The following PLCE1 variants were observed in gnomAD, a reference collection of about 807,000 sequenced individuals.
PLCE1 encodes the protein 1-phosphatidylinositol 4,5-bisphosphate phosphodiesterase epsilon-1.
A neutral mutation model predicts 242.8 loss-of-function variants in PLCE1; 119 were observed. That is an observed-to-expected ratio of 0.49 (90% CI 0.42 to 0.57). PLCE1 has a LOEUF of 0.57. Ranked by LOEUF, PLCE1 falls within the 20% of genes least tolerant of loss-of-function variation. PLCE1 has a pLI of 0.00. For synonymous variants in PLCE1, 945 were observed against 1,017.4 expected (o/e 0.93, Z 1.35); for missense variants, 2,441 against 2,788.8 (o/e 0.88, Z 2.81).
intron 29 of PLCE1, among the ~76,000 whole-genome samples, chr10:94,319,298 T>C (rs74151102): frequency 0.011 from 1,726 of 152,298 alleles, 48 homozygotes; most frequent in African/African-American, 0.04. Flanking sequence ...TGGTGCATAG[T>C]GATACCCAAA....
chr10:94,062,882 T>TA (rs1177007098), intron 2 of PLCE1, among the ~76,000 whole-genome samples: 1 of 152,162 alleles, frequency 6.6e-6, no homozygotes, highest in Non-Finnish European at 1.5e-5. Flanking sequence ...CTGAACTTCA[T>TA]AAAAAACATG....
At chr10:94,023,175 G>A (rs1252793954) in intron 1 of PLCE1, among the ~76,000 whole-genome samples, 1 of 152,122 alleles carries the variant, frequency 6.6e-6, no homozygotes, top group Non-Finnish European at 1.5e-5. Context: ...GAATGATGGA[G>A]TCAACAGAGT....
At chr10:94,065,703 T>C (rs1459092690) in intron 2 of PLCE1, among the ~76,000 whole-genome samples, 2 of 152,134 alleles carry the variant, frequency 1.3e-5, no homozygotes, top group African/African-American at 4.8e-5. Flanking sequence ...TCAGTATTAA[T>C]TGGAAATTGA....
chr10:94,275,573 C>T (rs748140578), intron 19 of PLCE1, among the ~76,000 whole-genome samples: 57 of 152,172 alleles, frequency 3.7e-4, no homozygotes, highest in Non-Finnish European at 2.2e-4. Context: ...CTGTGGCTCA[C>T]GCCTGTAATC....
At position 94,118,202 on chromosome 10, in the gene PLCE1, AT is replaced by A. The variant is rs1047308416; in HGVS notation, c.1207-13964del. On this transcript the variant is annotated intron_variant, in intron 2 of 32. Transcript: ENST00000371380. Reference sequence around the variant, plus strand: ...TTTTAAAATTTTCATTAACTTTAGCATTTTTTTTCTCTTTTCTTTTTTAATG... The same window carrying A: ...TTTTAAAATTTTCATTAACTTTAGCATTTTTTTCTCTTTTCTTTTTTAATG... Among the ~76,000 whole-genome samples, 83 of 151,874 alleles carry A rather than the reference AT, an allele frequency of 5.5e-4. No homozygotes were observed. In the East Asian group the frequency reaches 7.6e-3, roughly 14 times the overall value.
chr10:94,022,051 G>C lies in PLCE1; in HGVS notation c.-364-8632G>C, dbSNP rs149429900. On this transcript the variant is annotated intron_variant, in intron 1 of 32. Coordinates refer to ENST00000371380, the MANE Select transcript of PLCE1 (RefSeq NM_016341.4). Reference sequence around the variant, plus strand: ...TCATAATTGAAGATTCTAGCCACTAGAGTAAGGCAAGAAAAATAAATAAAA... The same window carrying C: ...TCATAATTGAAGATTCTAGCCACTACAGTAAGGCAAGAAAAATAAATAAAA... Among the ~76,000 whole-genome samples the C allele has an allele frequency of 3.7e-3, 569 of 152,034 alleles. 2 individuals are homozygous for C. Among genetic ancestry groups the C allele is most frequent in the African/African-American group, 0.013 (546 of 41,542 alleles).
At chr10:93,999,680 G>T (rs900387948) in intron 1 of PLCE1, among the ~76,000 whole-genome samples, 7 of 152,134 alleles carry the variant, frequency 4.6e-5, no homozygotes, top group African/African-American at 1.7e-4. Flanking sequence ...CCTCCCTCTC[G>T]CTCCCACCTC....
chr10:94,106,944 C>CTCTCTCTCTCTCTCTCTCTCTCTCTCT (rs1554855409), intron 2 of PLCE1: 1 of 126,286 alleles, frequency 7.9e-6, no homozygotes. Context: ...CTCTCTCTCT[C>CTCTCTCTCTCTCTCTCTCTCTCTCTCT]CCCCTCCCCT....
intron 2 of PLCE1, among the ~76,000 whole-genome samples, chr10:94,120,308 C>G (rs770353765): frequency 6.6e-6 from 1 of 152,206 alleles, no homozygotes; most frequent in Non-Finnish European, 1.5e-5. Flanking sequence ...GAATATGGCT[C>G]TACCCTTGGA....
At chr10:94,013,846 A>T (rs868513020) in intron 1 of PLCE1, among the ~76,000 whole-genome samples, 13 of 152,304 alleles carry the variant, frequency 8.5e-5, no homozygotes, top group Admixed American at 2.0e-4. Context: ...GAATGGCCTG[A>T]AGTACTTGTA....
At chr10:94,168,199 C>T (rs1023575404) in intron 3 of PLCE1, among the ~76,000 whole-genome samples, 1 of 151,964 alleles carries the variant, frequency 6.6e-6, no homozygotes, top group Non-Finnish European at 1.5e-5. Flanking sequence ...AGAGCAAGGC[C>T]CAGAGGTGAG....
In PLCE1 at chr10:94,258,860, C is replaced by T. The variant is rs1183840984; in HGVS notation, c.3615C>T (p.Ser1205=). 3.1e-6 allele frequency: 5 copies of T among 1,614,086 alleles called. No homozygotes were observed. Among genetic ancestry groups the T allele is most frequent in the South Asian group, 2.2e-5 (2 of 91,088 alleles). The change falls in exon 12 of 33, where the codon AGC becomes AGT. Residue 1205 remains serine (S), a synonymous_variant. Transcript: ENST00000371380. ...RIKGGMKGFQ[S]FMVSDSNMSF... ...AAGGCGGCATGAAGGGATTTCAGAG[C>T]TTCATGGTTTCAGATAGCAACATGA...
Position 94,062,582 on chromosome 10 carries a change from G to GTTTT in PLCE1, c.1206+30338_1206+30341dup, listed in dbSNP as rs5787099. Among the ~76,000 whole-genome samples, 228 of 142,348 alleles carry GTTTT rather than the reference G, an allele frequency of 1.6e-3. 1 individual carries two copies. Among genetic ancestry groups the GTTTT allele is most frequent in the East Asian group, 0.01 (51 of 4,898 alleles). The allele number at this position is 142,348 out of a possible 152,430, so 93.4% of individuals were successfully genotyped here. ...TGTTAGTTATTGGTTTCTTGGTTTT[G>GTTTT]TTTTTTTTTTTGTTTTGTTTTGTTT... On this transcript the variant is annotated intron_variant, in intron 2 of 32. Transcript: ENST00000371380.
At chr10:94,290,774 G>T (rs1261694516) in intron 22 of PLCE1, among the ~76,000 whole-genome samples, 1 of 151,820 alleles carries the variant, frequency 6.6e-6, no homozygotes, top group Non-Finnish European at 1.5e-5. Flanking sequence ...ATGATAAAAA[G>T]TATAGTAAAT....
chr10:94,030,495 C>T (rs1418671334), intron 1 of PLCE1, among the ~76,000 whole-genome samples, 188 bp from the exon 2 acceptor site: 5 of 151,058 alleles, frequency 3.3e-5, no homozygotes, highest in African/African-American at 1.2e-4. Flanking sequence ...CCTTGTTACT[C>T]CATTTTGGCT....
chr10:94,110,238 AT>A (rs1446211290), intron 2 of PLCE1, among the ~76,000 whole-genome samples: 2 of 150,456 alleles, frequency 1.3e-5, no homozygotes, highest in Non-Finnish European at 3.0e-5. Context: ...AATTTTTTGT[AT>A]TTTTAGTAGA....
chr10:94,162,640 T>G (rs1253600309), intron 3 of PLCE1, among the ~76,000 whole-genome samples: 1 of 152,200 alleles, frequency 6.6e-6, no homozygotes, highest in Non-Finnish European at 1.5e-5. Flanking sequence ...AAGGGTTTTT[T>G]GTGTCTCTAT....
intron 2 of PLCE1, among the ~76,000 whole-genome samples, chr10:94,063,802 G>C (rs2044126651): frequency 6.6e-6 from 1 of 152,196 alleles, no homozygotes; most frequent in Admixed American, 6.5e-5. Flanking sequence ...GCCAGTGAGG[G>C]CTTTTATTAG....
At chr10:94,143,076 C>T (rs2047017508) in intron 3 of PLCE1, among the ~76,000 whole-genome samples, 1 of 152,166 alleles carries the variant, frequency 6.6e-6, no homozygotes. Flanking sequence ...TATAGGGCCC[C>T]AGAGGGAAGT....
Sources: allele counts gnomAD v4.1 joint callset (sites outside exome capture counted in the v4.1 genomes callset), GRCh38; gene constraint gnomAD v4.1.1; transcripts MANE v1.5; gene names NCBI Gene and HGNC (gene_info 2026-07-23, HGNC 2026-07-21).